Variants in LCN6 observed in about 807,000 individuals in gnomAD.
The protein encoded by LCN6 is epididymal-specific lipocalin-6.
Under a neutral mutation model 21.4 loss-of-function variants are expected in LCN6, and 20 were observed. That is an observed-to-expected ratio of 0.93 (90% CI 0.66 to 1.36). LCN6 has a LOEUF of 1.36. LCN6 is among the 40% of genes most tolerant of loss of function. The probability of loss-of-function intolerance (pLI) is 0.00; values close to 1 mark genes in which losing one functional copy is unlikely to be tolerated. For synonymous variants in LCN6, 96 were observed against 89.0 expected, an observed-to-expected ratio of 1.08 and a Z score of -0.44; for missense variants, 217 against 206.6, an observed-to-expected ratio of 1.05 and a Z score of -0.31.
intron 1 of LCN6, among the ~76,000 whole-genome samples, 166 bp from the exon 2 acceptor site, chr9:136,747,729 T>TTC (rs1847065704): frequency 3.3e-5 from 2 of 60,874 alleles, no homozygotes; most frequent in African/African-American, 9.6e-5. Flanking sequence ...GCCTCCAGCC[T>TTC]TCCAGCCCTG....
intron 2 of LCN6, 64 bp downstream of exon 2, chr9:136,747,360 G>A (rs1428219628): frequency 4.4e-6 from 7 of 1,586,558 alleles, no homozygotes; most frequent in Admixed American, 3.4e-5. Context: ...GATGTGCAAA[G>A]TACATGATGT....
At chr9:136,745,755 C>G in intron 3 of LCN6, 89 bp downstream of exon 3, 2 of 1,144,046 alleles carry the variant, frequency 1.7e-6, no homozygotes, top group Non-Finnish European at 2.6e-6. Context: ...CTCTCGGGAG[C>G]GGAGTCAGCC....
intron 1 of LCN6, among the ~76,000 whole-genome samples, chr9:136,747,834 C>T (rs1291235062): frequency 7.0e-6 from 1 of 143,434 alleles, no homozygotes; most frequent in Non-Finnish European, 1.6e-5. Flanking sequence ...GCCTTGCAGC[C>T]TCTAGCCTTC....
At chr9:136,745,550 G>A (rs1588301173) in intron 3 of LCN6, 4 of 589,842 alleles carry the variant, frequency 6.8e-6, no homozygotes, top group Non-Finnish European at 1.2e-5. Flanking sequence ...GGAGCGGCTG[G>A]GTCACACCAG....
At chr9:136,745,474 A>G (rs1564326269) in intron 3 of LCN6, 194 bp from the exon 4 acceptor site, 1 of 530,454 alleles carries the variant, frequency 1.9e-6, no homozygotes, top group Non-Finnish European at 3.4e-6. Context: ...GCCAGCATCA[A>G]GGGGCTTTCA....
intron 1 of LCN6, 55 bp downstream of exon 1, chr9:136,748,339 A>T (rs1847078075): frequency 1.3e-6 from 2 of 1,489,502 alleles, no homozygotes; most frequent in African/African-American, 1.4e-5. Flanking sequence ...GTGTGGCCTT[A>T]AAGGAGGGGC....
At chr9:136,747,303 G>T in intron 2 of LCN6, 121 bp downstream of exon 2, 1 of 1,117,740 alleles carries the variant, frequency 8.9e-7, no homozygotes, top group Non-Finnish European at 1.3e-6. Flanking sequence ...AGTGACGGGG[G>T]TGCAGAGGGG....
At chr9:136,745,099 C>T (rs1396760616) in intron 4 of LCN6, 71 bp downstream of exon 4, 1 of 156,102 alleles carries the variant, frequency 6.4e-6, no homozygotes, top group Non-Finnish European at 1.2e-5. Flanking sequence ...CACCACACAG[C>T]TCCCAACGTG....
At position 136,744,478 on chromosome 9, in the gene LCN6, G is replaced by T; in HGVS notation, c.*23-114C>A. 2 of 531,610 alleles carry T rather than the reference G, an allele frequency of 3.8e-6. No homozygotes were observed. Among genetic ancestry groups the T allele is most frequent in the Non-Finnish European group, 6.8e-6 (2 of 292,396 alleles). The allele number at this position is 531,610 out of a possible 1,614,324, so 32.9% of individuals were successfully genotyped here. A position where few individuals can be genotyped will look rare whatever the true frequency, so the allele number is the denominator to read the frequency against. On this transcript the variant is annotated intron_variant, in intron 5 of 6. Transcript: ENST00000341206. The surrounding 1 kb of genome is among the most constrained non-coding windows in gnomAD (Gnocchi z 4.2). ...ACAAGACCCCCAGGCCTGACTTTGGGCAGGGGCAGGTGAAGACCCCCTCAG... is the reference window on the plus strand; with the variant it reads ...ACAAGACCCCCAGGCCTGACTTTGGTCAGGGGCAGGTGAAGACCCCCTCAG...
intron 4 of LCN6, 50 bp downstream of exon 4, chr9:136,745,120 G>A (rs1219348293): frequency 2.9e-6 from 1 of 339,194 alleles, no homozygotes; most frequent in Middle Eastern, 6.0e-4. Context: ...GGCCCCGAGT[G>A]GCCCACGCAC....
intron 3 of LCN6, 93 bp downstream of exon 3, chr9:136,745,751 G>A: frequency 9.0e-7 from 1 of 1,106,420 alleles, no homozygotes; most frequent in East Asian, 2.4e-5. Flanking sequence ...CTGGCTCTCG[G>A]GAGCGGAGTC....
At chr9:136,746,129 T>TACGGCGA in intron 2 of LCN6, 1 of 549,904 alleles carries the variant, frequency 1.8e-6, no homozygotes, top group South Asian at 2.2e-5. Flanking sequence ...TCCTGAGAGA[T>TACGGCGA]CCTCAGTGCC....
intron 1 of LCN6, 130 bp downstream of exon 1, chr9:136,748,264 G>C (rs752217687): frequency 8.4e-5 from 65 of 778,416 alleles, no homozygotes; most frequent in Non-Finnish European, 1.2e-4. Flanking sequence ...ACTCCCCAAG[G>C]GCTGGCCCAA....
At chr9:136,747,305 G>C (rs1034926958) in intron 2 of LCN6, 119 bp downstream of exon 2, 8 of 1,139,498 alleles carry the variant, frequency 7.0e-6, no homozygotes, top group Admixed American at 6.6e-5. Context: ...TGACGGGGGT[G>C]CAGAGGGGCC....
rs372914765 is a variant in LCN6, at chr9:136,744,594, G to A, written c.*22+46C>T. 1.1e-4 allele frequency: 144 copies of A among 1,276,080 alleles called. 1 individual carries two copies. In the East Asian group the frequency reaches 1.4e-3, roughly 12 times the overall value. The allele number at this position is 1,276,080 out of a possible 1,614,324, so 79.0% of individuals were successfully genotyped here. A position where few individuals can be genotyped will look rare whatever the true frequency, so the allele number is the denominator to read the frequency against. On this transcript the variant is annotated intron_variant, in intron 5 of 6. Coordinates refer to ENST00000341206, the MANE Select transcript of LCN6 (RefSeq NM_198946.3). This position sits in a 1 kb window ranked among gnomAD's most constrained non-coding sequence, Gnocchi z 4.2. ...ACCCCATCACGCCCTGTGGGCTCCA[G>A]AACTTGCCCCAAGCCTCCCCCGAGG...
intron 1 of LCN6, among the ~76,000 whole-genome samples, 180 bp downstream of exon 1, chr9:136,748,214 C>T (rs532236724): frequency 1.3e-5 from 2 of 152,380 alleles, no homozygotes; most frequent in East Asian, 3.9e-4. Context: ...TCCAACCCTC[C>T]AGCATCCACC....
chr9:136,746,043 C>T (rs1401654497), intron 2 of LCN6, 129 bp from the exon 3 acceptor site: 3 of 776,518 alleles, frequency 3.9e-6, no homozygotes, highest in East Asian at 5.0e-5. Flanking sequence ...CTGCCAGATG[C>T]CCCGATGCCC....
At chr9:136,745,998 A>T in intron 2 of LCN6, 84 bp from the exon 3 acceptor site, 1 of 1,210,348 alleles carries the variant, frequency 8.3e-7, no homozygotes, top group South Asian at 1.2e-5. Context: ...AGTCCAGGCC[A>T]GGCCAGCCAG....
Position 136,745,080 on chromosome 9 carries a change from C to A in LCN6, c.412+90G>T, listed in dbSNP as rs116815908. ...CACAGCTCCCCACGCGGCCCCCAAGCGGCCCACGCACCACACAGCTCCCAA... is the reference window on the plus strand; with the variant it reads ...CACAGCTCCCCACGCGGCCCCCAAGAGGCCCACGCACCACACAGCTCCCAA... On this transcript the variant is annotated intron_variant, in intron 4 of 6. Coordinates refer to ENST00000341206, the MANE Select transcript of LCN6 (RefSeq NM_198946.3). 215 of 1,126,620 alleles carry A rather than the reference C, an allele frequency of 1.9e-4. 5 individuals are homozygous for A. The East Asian group carries it at 3.0e-3, about 16-fold the overall frequency. The allele number at this position is 1,126,620 out of a possible 1,614,324, so 69.8% of individuals were successfully genotyped here. A position where few individuals can be genotyped will look rare whatever the true frequency, so the allele number is the denominator to read the frequency against.
Sources: gnomAD v4.1 joint callset for allele counts (sites outside exome capture counted in the v4.1 genomes callset) on GRCh38, gnomAD v4.1.1 for gene constraint, Gnocchi (gnomAD v3.1) non-coding constraint, MANE v1.5 for transcripts, NCBI Gene and HGNC (gene_info 2026-07-23, HGNC 2026-07-21) for gene names.